The following DAB1 variants were observed in gnomAD, a reference collection of about 807,000 sequenced individuals.
DAB1 encodes DAB adaptor protein 1.
In DAB1, 15 loss-of-function variants were observed where a neutral mutation model predicts 64.6. That is an observed-to-expected ratio of 0.23 (90% CI 0.16 to 0.36). DAB1 has a LOEUF of 0.36. Ranked by LOEUF, DAB1 falls within the 10% of genes least tolerant of loss-of-function variation. The pLI is 1.00. For synonymous variants in DAB1, 235 were observed against 251.9 expected (o/e 0.93, Z 0.64); for missense variants, 596 against 706.7 (o/e 0.84, Z 1.78).
intron 3 of DAB1, among the ~76,000 whole-genome samples, chr1:58,400,740 T>C (rs1447183622): frequency 6.6e-6 from 1 of 152,210 alleles, no homozygotes; most frequent in East Asian, 1.9e-4. Context: ...TAACAAAGGC[T>C]ATAAAGCAAA....
intron 5 of DAB1, among the ~76,000 whole-genome samples, chr1:57,911,001 A>G (rs1168651119): frequency 6.6e-6 from 1 of 152,240 alleles, no homozygotes; most frequent in Admixed American, 6.5e-5. Flanking sequence ...ACTTAGAAAT[A>G]TGTAGGAGCA....
Position 57,193,641 on chromosome 1 carries a change from T to C in DAB1, c.68-48212A>G, listed in dbSNP as rs61767515. Among the ~76,000 whole-genome samples the C allele has an allele frequency of 8.3e-3, 1,265 of 152,286 alleles. 31 individuals are homozygous for C. The East Asian group carries it at 0.091, about 11-fold the overall frequency. ...GACCTCGTGATCCGCCTGCGTCGGC[T>C]TCCAAAGTGCTGGCATTGTAGGCTT... On this transcript the variant is annotated intron_variant, in intron 2 of 14. Coordinates refer to ENST00000371236, the MANE Select transcript of DAB1 (RefSeq NM_001365792.1).
At chr1:57,153,630 T>TTTTG (rs527281662) in intron 2 of DAB1, among the ~76,000 whole-genome samples, 11 of 52,012 alleles carry the variant, frequency 2.1e-4, no homozygotes, top group South Asian at 3.8e-4. Context: ...GGGGTTTTTT[T>TTTTG]TTTGTTTGTT....
chr1:58,317,233 T>C (rs1259523491), intron 4 of DAB1, among the ~76,000 whole-genome samples: 1 of 152,158 alleles, frequency 6.6e-6, no homozygotes, highest in Non-Finnish European at 1.5e-5. Flanking sequence ...GGGAGCTGAG[T>C]GTTTGGTCTC....
intron 2 of DAB1, among the ~76,000 whole-genome samples, chr1:57,251,209 G>C (rs753252302): frequency 5.9e-5 from 9 of 152,178 alleles, no homozygotes; most frequent in Non-Finnish European, 1.2e-4. Flanking sequence ...TAGTTTAAAT[G>C]GTTAACTGTC....
intron 4 of DAB1, among the ~76,000 whole-genome samples, chr1:57,076,429 C>T (rs945915425): frequency 4.6e-5 from 7 of 152,164 alleles, no homozygotes; most frequent in African/African-American, 1.7e-4. Context: ...AGCTCTCTGC[C>T]ACAGCTTTAT....
intron 4 of DAB1, among the ~76,000 whole-genome samples, chr1:58,253,225 A>G (rs778161934): frequency 1.8e-4 from 27 of 152,342 alleles, no homozygotes; most frequent in Middle Eastern, 3.4e-3. Context: ...GGAGCTGTGA[A>G]GACTAAAGGA....
intron 4 of DAB1, among the ~76,000 whole-genome samples, chr1:57,134,471 C>T (rs1292254678): frequency 1.6e-5 from 2 of 123,880 alleles, no homozygotes; most frequent in African/African-American, 5.9e-5. Context: ...ACCTGTAATC[C>T]CAGCTTCTTG....
At chr1:57,580,394 G>A (rs114117119) in intron 7 of DAB1, among the ~76,000 whole-genome samples, 2,277 of 152,128 alleles carry the variant, frequency 0.015, 48 homozygotes, top group African/African-American at 0.053. Context: ...TGACAATCTG[G>A]TTCCTGATAC....
chr1:57,312,222 A>G (rs1460117391), intron 1 of DAB1, among the ~76,000 whole-genome samples: 1 of 152,234 alleles, frequency 6.6e-6, no homozygotes, highest in Non-Finnish European at 1.5e-5. Flanking sequence ...GAACTAGATG[A>G]GAGTTTAGAA....
At chr1:58,269,019 T>TC (rs59895564) in intron 4 of DAB1, among the ~76,000 whole-genome samples, 3 of 151,224 alleles carry the variant, frequency 2.0e-5, no homozygotes, top group Admixed American at 6.6e-5. Flanking sequence ...TTTATTTATT[T>TC]TTTTTTTATT....
At chr1:58,123,068 A>C (rs940170588) in intron 5 of DAB1, among the ~76,000 whole-genome samples, 2 of 152,146 alleles carry the variant, frequency 1.3e-5, no homozygotes, top group Non-Finnish European at 1.5e-5. Flanking sequence ...TATTTTTCTG[A>C]GATATTCTGA....
chr1:57,836,396 G>A (rs1346789034), intron 1 of DAB1, among the ~76,000 whole-genome samples: 4 of 152,140 alleles, frequency 2.6e-5, no homozygotes, highest in African/African-American at 7.2e-5. Context: ...AACTTGACTC[G>A]AGAATCCCTT....
intron 7 of DAB1, among the ~76,000 whole-genome samples, chr1:57,522,001 T>C (rs11207053): frequency 0.07 from 10,607 of 152,120 alleles, 1,161 homozygotes; most frequent in African/African-American, 0.23. Context: ...TCCCAGCTAC[T>C]TGGGAGGCTG....
At chr1:58,328,455 T>C (rs988112282) in intron 4 of DAB1, among the ~76,000 whole-genome samples, 1 of 152,190 alleles carries the variant, frequency 6.6e-6, no homozygotes, top group Non-Finnish European at 1.5e-5. Flanking sequence ...TTGATCTGCA[T>C]GGCTGCACTG....
chr1:57,042,031 T>C (rs1007296543), intron 9 of DAB1, among the ~76,000 whole-genome samples: 1 of 152,186 alleles, frequency 6.6e-6, no homozygotes, highest in Non-Finnish European at 1.5e-5. Flanking sequence ...GAGACCATCA[T>C]AAGTCAGAGC....
intron 2 of DAB1, among the ~76,000 whole-genome samples, chr1:57,246,357 G>C (rs1166013080): frequency 6.6e-6 from 1 of 152,180 alleles, no homozygotes; most frequent in Non-Finnish European, 1.5e-5. Flanking sequence ...GGTACATCTT[G>C]GGCTATTGCT....
At chr1:58,108,979 C>A (rs1448131257) in intron 5 of DAB1, among the ~76,000 whole-genome samples, 7 of 152,150 alleles carry the variant, frequency 4.6e-5, no homozygotes, top group African/African-American at 7.2e-5. Context: ...GATTCAAAGG[C>A]AACTCAGGCA....
At chr1:57,875,227 C>T (rs534049031) in intron 1 of DAB1, 2 of 152,358 alleles carry the variant, frequency 1.3e-5, no homozygotes, top group South Asian at 4.1e-4. Context: ...ACTTAATGCC[C>T]AAGTTCCTTA....
Sources: allele counts gnomAD v4.1 joint callset (sites outside exome capture counted in the v4.1 genomes callset), GRCh38; gene constraint gnomAD v4.1.1; transcripts MANE v1.5; gene names NCBI Gene and HGNC (gene_info 2026-07-23, HGNC 2026-07-21).